LCOR: variants seen among roughly 807,000 people sequenced by gnomAD.
The protein encoded by LCOR is ligand-dependent corepressor.
A neutral mutation model predicts 64.4 loss-of-function variants in LCOR; 14 were observed. The ratio of observed to expected loss-of-function variants is 0.22; its 90% CI spans 0.14 to 0.34. The LOEUF is 0.34. LCOR is among the 10% of genes least tolerant of loss of function. The probability of loss-of-function intolerance (pLI) is 1.00; values close to 1 mark genes in which losing one functional copy is unlikely to be tolerated. For missense variants in LCOR, 1,686 were observed against 1,765.3 expected (o/e 0.96, Z 0.80); for synonymous variants, 643 against 642.5 (o/e 1.00, Z -0.01).
At chr10:96,970,839 G>A (rs764923039) in intron 7 of LCOR, among the ~76,000 whole-genome samples, 1 of 151,422 alleles carries the variant, frequency 6.6e-6, no homozygotes, top group Non-Finnish European at 1.5e-5. Flanking sequence ...GGCTGGTCTC[G>A]AACTCCTGAG....
intron 2 of LCOR, among the ~76,000 whole-genome samples, chr10:96,867,713 A>G (rs1229424386): frequency 6.6e-6 from 1 of 152,152 alleles, no homozygotes; most frequent in African/African-American, 2.4e-5. Context: ...CCTGGATAAC[A>G]TAGCAAAACC....
chr10:96,984,704 C>A lies in LCOR; in HGVS notation c.4244C>A (p.Pro1415His), dbSNP rs763723577. The A allele has an allele frequency of 3.1e-6, 5 of 1,613,878 alleles. No individual in the cohort carries two copies. In the Admixed American group the frequency reaches 8.3e-5, roughly 27 times the overall value. Residue 1415 changes from proline to histidine, a missense_variant, in exon 8 of 8, where the codon CCT (proline) becomes CAT (histidine). Pro to His is a moderately conservative substitution (Grantham distance 77). Coordinates refer to ENST00000421806, the MANE Select transcript of LCOR (RefSeq NM_001346516.2). ...CCTCCAGATAGTAAGAACAAGGGGCCTACGGTGAAAGCCAGCAAAGAAAAG... is the reference window on the plus strand; with the variant it reads ...CCTCCAGATAGTAAGAACAAGGGGCATACGGTGAAAGCCAGCAAAGAAAAG... ...SSPPDSKNKGPTVKASKEKHA... is the reference protein window; with the variant it reads ...SSPPDSKNKGHTVKASKEKHA...
chr10:96,886,143 G>C (rs1846339827), intron 2 of LCOR, among the ~76,000 whole-genome samples: 1 of 152,166 alleles, frequency 6.6e-6, no homozygotes, highest in Non-Finnish European at 1.5e-5. Context: ...CTCTCAAAGT[G>C]CTGGGATTAC....
chr10:96,951,526 C>T (rs915001532), intron 6 of LCOR, among the ~76,000 whole-genome samples: 1 of 151,982 alleles, frequency 6.6e-6, no homozygotes, highest in Admixed American at 6.6e-5. Flanking sequence ...TAGACACACC[C>T]AAATCATAAA....
chr10:96,930,877 G>A (rs987380030), intron 4 of LCOR, among the ~76,000 whole-genome samples: 1 of 152,106 alleles, frequency 6.6e-6, no homozygotes, highest in Non-Finnish European at 1.5e-5. Flanking sequence ...GAATGCTGTT[G>A]CCATGATTGT....
intron 4 of LCOR, among the ~76,000 whole-genome samples, chr10:96,917,457 T>C (rs947548214): frequency 6.6e-5 from 10 of 152,188 alleles, no homozygotes; most frequent in Admixed American, 5.9e-4. Flanking sequence ...TAAAATCCCA[T>C]GCTCATTCCC....
chr10:96,978,257 A>G (rs1446800302), intron 7 of LCOR, among the ~76,000 whole-genome samples: 1 of 152,220 alleles, frequency 6.6e-6, no homozygotes, highest in Non-Finnish European at 1.5e-5. Context: ...TGTCCTAACA[A>G]TCACTCATCC....
rs142406058 is a variant in LCOR, at chr10:96,981,940, C to T, written c.1480C>T (p.Arg494Trp). ...GAATCAAAAATCAATATTATCTTCTCGGAAAACAGCCAGAAAGAGTACTCG... is the reference window on the plus strand; with the variant it reads ...GAATCAAAAATCAATATTATCTTCTTGGAAAACAGCCAGAAAGAGTACTCG... ...FENQKSILSS[R>W]KTARKSTRGY... is the part of the protein sequence containing the mutation. Residue 494 changes from arginine (R) to tryptophan (W), a missense_variant, in exon 8 of 8, where the codon CGG (arginine) becomes TGG (tryptophan). Arg to Trp is a moderately radical substitution (Grantham distance 101). Around this residue, in one of 3 missense-constraint regions of LCOR, gnomAD observed 1,293 missense variants for 1,410.4 expected, o/e 0.92. Transcript: ENST00000421806. 9.9e-6 allele frequency: 16 copies of T among 1,614,008 alleles called. No homozygotes were observed. Among genetic ancestry groups the T allele is most frequent in the Non-Finnish European group, 1.1e-5 (13 of 1,180,026 alleles).
In LCOR at chr10:96,983,992, T is replaced by G; in HGVS notation, c.3532T>G (p.Phe1178Val). 6.2e-7 allele frequency: 1 copy of G among 1,614,108 alleles called. No individual in the cohort carries two copies. Among genetic ancestry groups the G allele is most frequent in the South Asian group, 1.1e-5 (1 of 91,076 alleles). Reference sequence around the variant, plus strand: ...TGTTCAGATGCTCTTTATGACAAACTTTAAATTATCTAATGTTTGTAAATG... The same window carrying G: ...TGTTCAGATGCTCTTTATGACAAACGTTAAATTATCTAATGTTTGTAAATG... ...SPVQMLFMTN[F>V]KLSNVCKWFL... The change falls in exon 8 of 8, where the codon TTT becomes GTT. Residue 1178 changes from phenylalanine (F) to valine (V), a missense_variant. Phe to Val is a conservative substitution (Grantham distance 50). This residue lies in a region of LCOR where 1,293 missense variants were observed against 1,410.4 expected (regional missense o/e 0.92). Transcript: ENST00000421806. The surrounding 1 kb of genome is among the most constrained non-coding windows in gnomAD (Gnocchi z 4.5).
intron 2 of LCOR, among the ~76,000 whole-genome samples, chr10:96,843,615 G>T (rs1240797808): frequency 6.6e-6 from 1 of 152,190 alleles, no homozygotes; most frequent in African/African-American, 2.4e-5. Context: ...AAATCTTTTA[G>T]TTTGGAAAAC....
At chr10:96,975,120 A>T (rs531753344) in intron 7 of LCOR, among the ~76,000 whole-genome samples, 1 of 152,216 alleles carries the variant, frequency 6.6e-6, no homozygotes, top group East Asian at 1.9e-4. Flanking sequence ...GCCGTGAGCC[A>T]AGATTGTGTC....
intron 4 of LCOR, chr10:96,915,656 C>T (rs551885957): frequency 2.0e-5 from 17 of 848,612 alleles, no homozygotes; most frequent in Admixed American, 5.2e-5. Flanking sequence ...GCACCTTCAG[C>T]TTTCTGTGCC....
At chr10:96,940,536 T>C (rs531018994) in intron 4 of LCOR, among the ~76,000 whole-genome samples, 202 of 112,164 alleles carry the variant, frequency 1.8e-3, no homozygotes, top group African/African-American at 6.3e-3. Flanking sequence ...CATGCTGCCT[T>C]CAAGCATCTG....
Position 96,985,305 on chromosome 10 carries a change from A to G in LCOR, c.*171A>G. 4 of 775,004 alleles carry G rather than the reference A, an allele frequency of 5.2e-6. No homozygotes were observed. The highest frequency in any genetic ancestry group is 7.6e-6 in the Non-Finnish European group (4 of 523,322). 48.0% of individuals were successfully genotyped at this position (775,004 alleles called of 1,614,324 possible). ...ATCTCAGATGGAGAAGGGAACTTGC[A>G]GAGTCCTTCTCTGAGGCTAAGGGAA... On this transcript the variant is annotated 3_prime_UTR_variant, in exon 8 of 8. Coordinates refer to ENST00000421806, the MANE Select transcript of LCOR (RefSeq NM_001346516.2).
At chr10:96,875,518 A>T (rs1421115642) in intron 2 of LCOR, among the ~76,000 whole-genome samples, 1 of 152,162 alleles carries the variant, frequency 6.6e-6, no homozygotes, top group Non-Finnish European at 1.5e-5. Context: ...CAGAGGAAAT[A>T]GGATTTTTGA....
intron 2 of LCOR, among the ~76,000 whole-genome samples, chr10:96,896,900 G>T (rs920076011): frequency 6.6e-6 from 1 of 152,100 alleles, no homozygotes; most frequent in Non-Finnish European, 1.5e-5. Context: ...GATAGAAAAG[G>T]AAGCCCCACC....
chr10:96,832,697 C>T (rs1275661723), intron 1 of LCOR, among the ~76,000 whole-genome samples: 1 of 150,800 alleles, frequency 6.6e-6, no homozygotes, highest in Non-Finnish European at 1.5e-5. Context: ...GCTCGCTCCC[C>T]TCCCTCCCCG....
chr10:96,941,289 G>T (rs1847467127), intron 4 of LCOR, among the ~76,000 whole-genome samples: 1 of 130,856 alleles, frequency 7.6e-6, no homozygotes. Flanking sequence ...GCGGGGGGCT[G>T]ATCCCCCCAC....
intron 1 of LCOR, 118 bp from the exon 2 acceptor site, chr10:96,833,288 C>G (rs1206292815): frequency 3.2e-5 from 30 of 950,314 alleles, no homozygotes; most frequent in South Asian, 4.9e-5. Context: ...TTGGGCCGCC[C>G]TCGGGTGGCT....
Sources: gnomAD v4.1 joint callset for allele counts (sites outside exome capture counted in the v4.1 genomes callset) on GRCh38, gnomAD v4.1.1 for gene constraint, gnomAD v4.1.1 regional missense constraint, Gnocchi (gnomAD v3.1) non-coding constraint, MANE v1.5 for transcripts, NCBI Gene and HGNC (gene_info 2026-07-23, HGNC 2026-07-21) for gene names.